SGCZ: variants seen among roughly 807,000 people sequenced by gnomAD.
SGCZ encodes sarcoglycan zeta.
SGCZ carries 40 observed loss-of-function variants against 41.3 expected under a neutral mutation model. The ratio of observed to expected loss-of-function variants is 0.97; its 90% CI spans 0.75 to 1.26. The LOEUF (loss-of-function observed/expected upper bound fraction) is 1.26, where lower values mean the gene tolerates loss of function less well. SGCZ is among the 50% of genes most tolerant of loss of function. The pLI, the probability that SGCZ is intolerant of heterozygous loss-of-function variation, is 0.00. For missense variants in SGCZ, 552 were observed against 369.8 expected (o/e 1.49, Z -4.04); for synonymous variants, 206 against 137.5 (o/e 1.50, Z -3.49).
chr8:14,474,242 A>T (rs905402274), intron 2 of SGCZ, among the ~76,000 whole-genome samples: 1 of 152,334 alleles, frequency 6.6e-6, no homozygotes, highest in Non-Finnish European at 1.5e-5. Flanking sequence ...AACGAGAATA[A>T]AACACTTTTG....
chr8:14,925,806 C>A (rs975374989), intron 1 of SGCZ, among the ~76,000 whole-genome samples: 8 of 152,016 alleles, frequency 5.3e-5, no homozygotes, highest in African/African-American at 1.9e-4. Flanking sequence ...CCCTTATTTT[C>A]CATAAGCACC....
At chr8:14,660,051 T>G (rs1038136087) in intron 1 of SGCZ, among the ~76,000 whole-genome samples, 2 of 152,168 alleles carry the variant, frequency 1.3e-5, no homozygotes, top group South Asian at 2.1e-4. Context: ...AGCTTTTTCT[T>G]GCAGCCTTCA....
intron 5 of SGCZ, among the ~76,000 whole-genome samples, chr8:14,134,883 G>A (rs1352424096): frequency 2.0e-5 from 3 of 152,008 alleles, no homozygotes; most frequent in Non-Finnish European, 4.4e-5. Context: ...TTAAAAACAT[G>A]ACAGATATAA....
At chr8:15,225,198 T>A (rs551581818) in intron 1 of SGCZ, among the ~76,000 whole-genome samples, 23 of 152,264 alleles carry the variant, frequency 1.5e-4, no homozygotes, top group African/African-American at 5.1e-4. Flanking sequence ...CCTTAGCAAT[T>A]TTCAACAAAC....
In SGCZ at chr8:14,127,306, A is replaced by G. The variant is rs137881695; in HGVS notation, c.548-19071T>C. 6.5e-3 allele frequency among the ~76,000 whole-genome samples: 993 copies of G among 152,338 alleles called. 7 individuals are homozygous for G. Among genetic ancestry groups the G allele is most frequent in the African/African-American group, 0.023 (944 of 41,580 alleles). ...CTGAGACCAGAGGTTACAGAGTAAC[A>G]ATAATAATACACATCCCCTAAATAC... On this transcript the variant is annotated intron_variant, in intron 5 of 7. Coordinates refer to ENST00000382080, the MANE Select transcript of SGCZ (RefSeq NM_139167.4).
intron 1 of SGCZ, among the ~76,000 whole-genome samples, chr8:15,163,286 C>T (rs1004189534): frequency 6.6e-6 from 1 of 152,168 alleles, no homozygotes; most frequent in Non-Finnish European, 1.5e-5. Flanking sequence ...ATGAGGTAGA[C>T]ACAAAAATTA....
intron 1 of SGCZ, among the ~76,000 whole-genome samples, chr8:15,069,103 C>A (rs1177578456): frequency 6.6e-6 from 1 of 152,176 alleles, no homozygotes. Flanking sequence ...ATTTAATAAT[C>A]AAAGTCTTTA....
At chr8:14,201,531 G>A (rs1456799715) in intron 4 of SGCZ, among the ~76,000 whole-genome samples, 1 of 152,068 alleles carries the variant, frequency 6.6e-6, no homozygotes, top group Non-Finnish European at 1.5e-5. Context: ...ACACTCAAAG[G>A]CTACATATTG....
rs1406666224 is a variant in SGCZ at position 14,324,187 on chromosome 8, C to G, written c.252G>C (p.Leu84=). Residue 84 remains leucine (L), a synonymous_variant, in exon 3 of 8, where the codon CTG becomes CTC. Coordinates refer to ENST00000382080, the MANE Select transcript of SGCZ (RefSeq NM_139167.4). ...MNFTVDGMGN[L]RVTKKGIRLE... ...GTCGGATTCCCTTCTTGGTGACTCT[C>G]AGATTTCCCATACCATCCTACAAGC... The G allele has an allele frequency of 6.2e-7, 1 of 1,612,068 alleles. No homozygotes were observed. Among genetic ancestry groups the G allele is most frequent in the Non-Finnish European group, 8.5e-7 (1 of 1,178,694 alleles).
chr8:14,939,734 C>T (rs1800205973), intron 1 of SGCZ, among the ~76,000 whole-genome samples: 1 of 152,076 alleles, frequency 6.6e-6, no homozygotes, highest in Admixed American at 6.6e-5. Flanking sequence ...AACATAGAAA[C>T]TCCCAGGTAA....
At chr8:14,526,905 G>C (rs546580831) in intron 2 of SGCZ, among the ~76,000 whole-genome samples, 16 of 152,146 alleles carry the variant, frequency 1.1e-4, no homozygotes, top group Admixed American at 2.0e-4. Context: ...GTGGCTGCAG[G>C]GACTTTTGCA....
At chr8:14,764,426 G>A (rs1344085655) in intron 1 of SGCZ, among the ~76,000 whole-genome samples, 1 of 152,172 alleles carries the variant, frequency 6.6e-6, no homozygotes, top group Non-Finnish European at 1.5e-5. Context: ...ATCACACATG[G>A]CTTCTTCAAT....
Position 14,102,519 on chromosome 8 carries a change from T to C in SGCZ, c.621-20A>G. 7.3e-7 allele frequency: 1 copy of C among 1,373,422 alleles called. No individual in the cohort carries two copies. 85.1% of individuals were successfully genotyped at this position (1,373,422 alleles called of 1,614,324 possible). On this transcript the variant is annotated intron_variant, in intron 6 of 7. Coordinates refer to ENST00000382080, the MANE Select transcript of SGCZ (RefSeq NM_139167.4). Reference sequence around the variant, plus strand: ...TCAAGCCTAAGGGAAAAACAAAAAATCATTAATAGGAAAAAAAAACACAAA... The same window carrying C: ...TCAAGCCTAAGGGAAAAACAAAAAACCATTAATAGGAAAAAAAAACACAAA...
intron 2 of SGCZ, among the ~76,000 whole-genome samples, chr8:14,531,255 G>T (rs757856075): frequency 4.3e-5 from 6 of 139,372 alleles, no homozygotes; most frequent in Non-Finnish European, 7.9e-5. Context: ...CCCAGATTCA[G>T]CCTCTTAACT....
chr8:14,185,790 A>G (rs1377673952), intron 4 of SGCZ, among the ~76,000 whole-genome samples: 3 of 152,180 alleles, frequency 2.0e-5, no homozygotes, highest in Admixed American at 1.3e-4. Flanking sequence ...TTGTATGTAA[A>G]AAGTCTCCAG....
chr8:14,476,283 C>T (rs1021688120), intron 2 of SGCZ, among the ~76,000 whole-genome samples: 4 of 151,934 alleles, frequency 2.6e-5, no homozygotes, highest in African/African-American at 9.7e-5. Flanking sequence ...TGGGACCTGC[C>T]CCAAGAGAAC....
intron 4 of SGCZ, among the ~76,000 whole-genome samples, chr8:14,228,163 A>G (rs1806438212): frequency 6.6e-6 from 1 of 152,074 alleles, no homozygotes; most frequent in Non-Finnish European, 1.5e-5. Flanking sequence ...TTCCAAAGAC[A>G]TGTTTCTTAT....
At chr8:14,145,544 T>G (rs1803495168) in intron 5 of SGCZ, among the ~76,000 whole-genome samples, 2 of 152,202 alleles carry the variant, frequency 1.3e-5, no homozygotes, top group Admixed American at 1.3e-4. Context: ...AGAACATTGT[T>G]AATATCAACA....
chr8:14,550,351 T>G (rs1199493506), intron 2 of SGCZ, among the ~76,000 whole-genome samples: 1 of 149,218 alleles, frequency 6.7e-6, no homozygotes, highest in African/African-American at 2.4e-5. Flanking sequence ...ATAAATTATA[T>G]AAATATTTAT....
Sources: gnomAD v4.1 joint callset for allele counts (sites outside exome capture counted in the v4.1 genomes callset) on GRCh38, gnomAD v4.1.1 for gene constraint, MANE v1.5 for transcripts, NCBI Gene and HGNC (gene_info 2026-07-23, HGNC 2026-07-21) for gene names.